Variants in ABCB4 observed in about 807,000 individuals in gnomAD.
ABCB4 encodes ATP binding cassette subfamily B member 4, also known as phosphatidylcholine translocator ABCB4.
A neutral mutation model predicts 145.7 loss-of-function variants in ABCB4; 76 were observed. The ratio of observed to expected loss-of-function variants is 0.52; its 90% CI spans 0.43 to 0.63. ABCB4 has a LOEUF of 0.63. Ranked by LOEUF, ABCB4 falls within the 30% of genes least tolerant of loss-of-function variation. ABCB4 has a pLI of 0.00. For missense variants in ABCB4, 1,234 were observed against 1,553.1 expected (o/e 0.79, Z 3.45); for synonymous variants, 517 against 566.8 (o/e 0.91, Z 1.25).
At chr7:87,395,038 T>C in the ABCB4 span, among the ~76,000 whole-genome samples, 131 of 152,058 alleles carry the variant, frequency 8.6e-4, no homozygotes, top group African/African-American at 3.0e-3. Flanking sequence ...AGAAGTGTAT[T>C]AGTCAGGGTT....
At chr7:87,387,182 T>C in the ABCB4 span, among the ~76,000 whole-genome samples, 9 of 152,102 alleles carry the variant, frequency 5.9e-5, no homozygotes, top group African/African-American at 2.2e-4. Context: ...AGATAGTTGT[T>C]TTGGTTTTCT....
At chr7:87,465,930 A>G (rs1160843425) in intron 3 of ABCB4, among the ~76,000 whole-genome samples, 2 of 152,210 alleles carry the variant, frequency 1.3e-5, no homozygotes, top group Non-Finnish European at 2.9e-5. Flanking sequence ...AAAGGTAGAT[A>G]AAACCACAAA....
At chr7:87,410,378 A>G (rs1427635394) in intron 23 of ABCB4, among the ~76,000 whole-genome samples, 1 of 152,174 alleles carries the variant, frequency 6.6e-6, no homozygotes. Flanking sequence ...GGTATAGTAA[A>G]ACTTTCCTTT....
the ABCB4 span, among the ~76,000 whole-genome samples, chr7:87,377,769 G>C: frequency 6.6e-6 from 1 of 152,092 alleles, no homozygotes; most frequent in African/African-American, 2.4e-5. Context: ...ATGGCATTAT[G>C]TATGTGTTCT....
intron 23 of ABCB4, among the ~76,000 whole-genome samples, chr7:87,410,414 C>A (rs1451215463): frequency 6.6e-6 from 1 of 152,050 alleles, no homozygotes; most frequent in Non-Finnish European, 1.5e-5. Context: ...AGGTGAGTTG[C>A]CAAAAACTAA....
In ABCB4 at chr7:87,401,928, CT is replaced by C. The variant is rs1807810472; in HGVS notation, c.*167del. 1.1e-6 allele frequency: 1 copy of C among 904,082 alleles called. No homozygotes were observed. Among genetic ancestry groups the C allele is most frequent in the African/African-American group, 1.6e-5 (1 of 60,910 alleles). The allele number at this position is 904,082 out of a possible 1,614,324, so 56.0% of individuals were successfully genotyped here. A position where few individuals can be genotyped will look rare whatever the true frequency, so the allele number is the denominator to read the frequency against. ...ATCAAGACAGGTGTCACTTCTAACTCTCAAATTTCAAATGCCGTAATAAACC... is the reference window on the plus strand; with the variant it reads ...ATCAAGACAGGTGTCACTTCTAACTCCAAATTTCAAATGCCGTAATAAACC... On this transcript the variant is annotated 3_prime_UTR_variant, in exon 28 of 28. Transcript: ENST00000649586.
chr7:87,420,046 G>T lies in ABCB4; in HGVS notation c.2346C>A (p.Ile782=), dbSNP rs757569684. The change falls in exon 19 of 28, where the codon ATC becomes ATA. Residue 782 remains isoleucine, a synonymous_variant. Coordinates refer to ENST00000649586, the MANE Select transcript of ABCB4 (RefSeq NM_000443.4). ...CCATTGACCGCAGTCTTCTGGTGAG[G>T]ATCTCGCCAGCTTTCCCAAACGTGA... The part of the protein sequence containing the change: ...QGFTFGKAGE[I]LTRRLRSMAF... The T allele has an allele frequency of 3.1e-6, 5 of 1,613,998 alleles. No individual in the cohort carries two copies. The highest frequency in any genetic ancestry group is 1.3e-5 in the African/African-American group (1 of 74,908).
At position 87,451,237 on chromosome 7, in the gene ABCB4, C is replaced by T. The variant is rs553650968; in HGVS notation, c.708+386G>A. On this transcript the variant is annotated intron_variant, in intron 7 of 27. Coordinates refer to ENST00000649586, the MANE Select transcript of ABCB4 (RefSeq NM_000443.4). The stretch of plus-strand genomic sequence containing the variant: ...TGCGACCTCCACCTCCTGAGTTCAG[C>T]GATTCTCCTGTCTCAGCCTCCCAAG... Among the ~76,000 whole-genome samples, 9 of 150,916 alleles carry T rather than the reference C, an allele frequency of 6.0e-5. No individual in the cohort carries two copies. In the East Asian group the frequency reaches 7.8e-4, roughly 13 times the overall value.
intron 20 of ABCB4, among the ~76,000 whole-genome samples, chr7:87,417,779 T>G (rs1809090290): frequency 6.6e-6 from 1 of 152,220 alleles, no homozygotes; most frequent in African/African-American, 2.4e-5. Context: ...GCTTTGTGGA[T>G]GGGCACTGGG....
In ABCB4 at chr7:87,453,056, C is replaced by G; in HGVS notation, c.424G>C (p.Ala142Pro). ...CTAATTTTCCTGATCTGTCGACCAG[C>G]TGCCAAAGTCCAAAATGAAACTTGT... is the stretch of plus-strand genomic sequence containing the variant. ...YIQVSFWTLA[A>P]GRQIRKIRQK... is the part of the protein sequence containing the mutation. The change falls in exon 6 of 28, where the codon GCT becomes CCT. Residue 142 changes from alanine to proline, a missense_variant. Physicochemically the swap from Ala to Pro is conservative, Grantham distance 27 (BLOSUM62 -1). Around this residue, in one of 7 missense-constraint regions of ABCB4, gnomAD observed 467 missense variants for 632.8 expected, o/e 0.74. Coordinates refer to ENST00000649586, the MANE Select transcript of ABCB4 (RefSeq NM_000443.4). 6.2e-7 allele frequency: 1 copy of G among 1,614,132 alleles called. No homozygotes were observed. Among genetic ancestry groups the G allele is most frequent in the Non-Finnish European group, 8.5e-7 (1 of 1,180,020 alleles).
chr7:87,440,599 G>GT (rs1406727384), intron 12 of ABCB4, among the ~76,000 whole-genome samples, 197 bp from the exon 13 acceptor site: 1 of 151,994 alleles, frequency 6.6e-6, no homozygotes. Context: ...CATATATACA[G>GT]TTTTTTCGTG....
chr7:87,368,201 G>A, the ABCB4 span, among the ~76,000 whole-genome samples: 1 of 152,084 alleles, frequency 6.6e-6, no homozygotes, highest in Admixed American at 6.6e-5. Context: ...TATTTACATG[G>A]CGTACTTTCT....
chr7:87,443,941 A>T (rs933354242), intron 10 of ABCB4, among the ~76,000 whole-genome samples, 168 bp from the exon 11 acceptor site: 3 of 152,220 alleles, frequency 2.0e-5, no homozygotes, highest in Non-Finnish European at 4.4e-5. Flanking sequence ...GTGCTGTTTA[A>T]AGAAATACTC....
chr7:87,466,124 C>A (rs1222453385), intron 3 of ABCB4, among the ~76,000 whole-genome samples: 1 of 152,040 alleles, frequency 6.6e-6, no homozygotes, highest in South Asian at 2.1e-4. Flanking sequence ...AAGTTCGAAC[C>A]CATGGCAAAG....
At chr7:87,403,519 TAAC>T (rs988425083) in intron 26 of ABCB4, 4 of 534,992 alleles carry the variant, frequency 7.5e-6, no homozygotes, top group African/African-American at 5.7e-5. Context: ...TACTCTAAAA[TAAC>T]AAATGCTATA....
At chr7:87,395,833 T>C in the ABCB4 span, among the ~76,000 whole-genome samples, 1 of 151,912 alleles carries the variant, frequency 6.6e-6, no homozygotes, top group African/African-American at 2.4e-5. Context: ...AGATCGGGGG[T>C]TATAAGGACC....
At chr7:87,414,961 G>T (rs1808868273) in intron 21 of ABCB4, among the ~76,000 whole-genome samples, 1 of 152,166 alleles carries the variant, frequency 6.6e-6, no homozygotes. Flanking sequence ...AAGTTCTAAA[G>T]TTAATAAGTA....
At position 87,401,737 on chromosome 7, in the gene ABCB4, AATTATTCCCAAAC is replaced by A; in HGVS notation, c.*346_*358del. 1.6e-5 allele frequency: 5 copies of A among 315,020 alleles called. No individual in the cohort carries two copies. Among genetic ancestry groups the A allele is most frequent in the Non-Finnish European group, 3.1e-5 (5 of 163,070 alleles). The allele number at this position is 315,020 out of a possible 1,614,324, so 19.5% of individuals were successfully genotyped here. On this transcript the variant is annotated 3_prime_UTR_variant, in exon 28 of 28. Coordinates refer to ENST00000649586, the MANE Select transcript of ABCB4 (RefSeq NM_000443.4). ...TTTATTTTTCTTTTGTACTTGGGAA[AATTATTCCCAAAC>A]TTTCCTGTCTACCCAACCCATTCAG...
At chr7:87,366,618 G>A in the ABCB4 span, among the ~76,000 whole-genome samples, 63 of 152,246 alleles carry the variant, frequency 4.1e-4, no homozygotes, top group Non-Finnish European at 8.4e-4. Flanking sequence ...GTGATTTACA[G>A]TTTAATGATG....
Sources: gnomAD v4.1 joint callset for allele counts (sites outside exome capture counted in the v4.1 genomes callset) on GRCh38, gnomAD v4.1.1 for gene constraint, gnomAD v4.1.1 regional missense constraint, MANE v1.5 for transcripts, NCBI Gene and HGNC (gene_info 2026-07-23, HGNC 2026-07-21) for gene names.